GRID2: variants seen among roughly 807,000 people sequenced by gnomAD.
The protein encoded by GRID2 is glutamate ionotropic receptor delta type subunit 2.
Under a neutral mutation model 114.8 loss-of-function variants are expected in GRID2, and 33 were observed. The observed-to-expected ratio is 0.29, with a 90% confidence interval of 0.22 to 0.38. The LOEUF (loss-of-function observed/expected upper bound fraction) is 0.38. Among genes scored for constraint, GRID2 ranks in the 10% least tolerant of loss-of-function variants. The probability of loss-of-function intolerance (pLI) is 1.00; values close to 1 mark genes in which losing one functional copy is unlikely to be tolerated. For synonymous variants in GRID2, 505 were observed against 449.9 expected, an observed-to-expected ratio of 1.12 and a Z score of -1.55; for missense variants, 1,184 against 1,257.7, an observed-to-expected ratio of 0.94 and a Z score of 0.89.
At chr4:93,363,444 A>T (rs996196680) in intron 8 of GRID2, among the ~76,000 whole-genome samples, 5 of 152,148 alleles carry the variant, frequency 3.3e-5, no homozygotes, top group Non-Finnish European at 7.4e-5. Context: ...AGAAGGAATT[A>T]ATGCTCTTTC....
intron 2 of GRID2, among the ~76,000 whole-genome samples, chr4:92,617,753 G>T (rs1231397797): frequency 1.3e-5 from 2 of 151,644 alleles, no homozygotes; most frequent in Non-Finnish European, 3.0e-5. Context: ...TTTCCCTGAT[G>T]ATTAGTGATA....
At chr4:92,948,797 C>G (rs1027942818) in intron 2 of GRID2, among the ~76,000 whole-genome samples, 1 of 151,968 alleles carries the variant, frequency 6.6e-6, no homozygotes, top group African/African-American at 2.4e-5. Context: ...TCTGAGAACA[C>G]AGAGATATCA....
At chr4:93,553,493 T>C (rs549650605) in intron 13 of GRID2, among the ~76,000 whole-genome samples, 1 of 152,330 alleles carries the variant, frequency 6.6e-6, no homozygotes, top group Admixed American at 6.5e-5. Context: ...CTCAGCTGTG[T>C]GTATTCTGAT....
At chr4:93,250,842 G>A (rs1338578654) in intron 8 of GRID2, among the ~76,000 whole-genome samples, 1 of 151,044 alleles carries the variant, frequency 6.6e-6, no homozygotes, top group African/African-American at 2.4e-5. Context: ...GAAACATTCT[G>A]TTTGAAAACT....
intron 4 of GRID2, among the ~76,000 whole-genome samples, chr4:93,204,912 T>C (rs1384249571): frequency 1.3e-5 from 2 of 152,186 alleles, no homozygotes; most frequent in African/African-American, 4.8e-5. Flanking sequence ...TACTATTGCT[T>C]CAGAAGTATT....
chr4:92,959,475 C>T (rs1273511444), intron 2 of GRID2, among the ~76,000 whole-genome samples: 1 of 151,342 alleles, frequency 6.6e-6, no homozygotes, highest in African/African-American at 2.4e-5. Context: ...GTTTGTAATG[C>T]CCCGTAACCT....
chr4:92,543,768 G>A (rs2149165376), intron 1 of GRID2, among the ~76,000 whole-genome samples: 1 of 152,100 alleles, frequency 6.6e-6, no homozygotes, highest in African/African-American at 2.4e-5. Flanking sequence ...GATGGAATAG[G>A]AAAAAATGAC....
intron 1 of GRID2, among the ~76,000 whole-genome samples, chr4:92,464,581 T>TA (rs35164263): frequency 6.6e-6 from 1 of 151,928 alleles, no homozygotes; most frequent in East Asian, 1.9e-4. Context: ...CAAAAATCCT[T>TA]AAAAAAAGGT....
intron 2 of GRID2, among the ~76,000 whole-genome samples, chr4:92,667,149 C>G (rs756150115): frequency 6.6e-6 from 1 of 151,578 alleles, no homozygotes; most frequent in Non-Finnish European, 1.5e-5. Context: ...AAGCCTTCCC[C>G]TAGAAGATAC....
chr4:92,723,127 T>C (rs1735893032), intron 2 of GRID2, among the ~76,000 whole-genome samples: 1 of 152,088 alleles, frequency 6.6e-6, no homozygotes, highest in Non-Finnish European at 1.5e-5. Flanking sequence ...AATATCTTCA[T>C]TTATTAAAAC....
chr4:93,294,766 G>A (rs1754115611), intron 8 of GRID2, among the ~76,000 whole-genome samples: 1 of 151,932 alleles, frequency 6.6e-6, no homozygotes, highest in Non-Finnish European at 1.5e-5. Flanking sequence ...TGCCATGTTG[G>A]CCAGGCTGGT....
chr4:93,429,440 A>G (rs558098762), intron 10 of GRID2, among the ~76,000 whole-genome samples: 1 of 152,340 alleles, frequency 6.6e-6, no homozygotes, highest in Non-Finnish European at 1.5e-5. Context: ...TGGGGTTTAT[A>G]TGAAGAAAAA....
At chr4:92,980,140 A>G (rs1022608033) in intron 2 of GRID2, among the ~76,000 whole-genome samples, 2 of 152,144 alleles carry the variant, frequency 1.3e-5, no homozygotes, top group African/African-American at 4.8e-5. Context: ...ATGTTGCAAT[A>G]ACTTCAAGAA....
intron 1 of GRID2, among the ~76,000 whole-genome samples, chr4:92,433,351 C>T (rs899943081): frequency 1.3e-5 from 2 of 152,170 alleles, no homozygotes; most frequent in South Asian, 2.1e-4. Context: ...CGGCCTAGAC[C>T]GCCTTTCAAG....
intron 1 of GRID2, among the ~76,000 whole-genome samples, chr4:92,323,534 TC>T (rs1726431487): frequency 6.6e-6 from 1 of 152,044 alleles, no homozygotes. Context: ...ATTGGTCTCT[TC>T]CCCTCATTCT....
intron 13 of GRID2, among the ~76,000 whole-genome samples, chr4:93,537,761 T>C (rs1378976729): frequency 6.6e-6 from 1 of 151,816 alleles, no homozygotes; most frequent in Non-Finnish European, 1.5e-5. Flanking sequence ...TTAACCTCTA[T>C]TGACTAAGCA....
At chr4:93,344,691 A>G (rs1579754376) in intron 8 of GRID2, among the ~76,000 whole-genome samples, 1 of 149,724 alleles carries the variant, frequency 6.7e-6, no homozygotes, top group African/African-American at 2.4e-5. Flanking sequence ...TATTAACTAT[A>G]GTCATATTAT....
intron 13 of GRID2, among the ~76,000 whole-genome samples, chr4:93,518,011 A>G (rs62319533): frequency 2.9e-4 from 13 of 45,490 alleles, no homozygotes; most frequent in African/African-American, 7.9e-4. Context: ...ATATGTATGT[A>G]TATACATACA....
intron 2 of GRID2, among the ~76,000 whole-genome samples, chr4:92,679,946 T>C (rs1381692045): frequency 6.6e-6 from 1 of 150,932 alleles, no homozygotes; most frequent in Non-Finnish European, 1.5e-5. Flanking sequence ...AAGAAGCAGA[T>C]GTATGTTGCA....
Sources: allele counts gnomAD v4.1 joint callset (sites outside exome capture counted in the v4.1 genomes callset), GRCh38; gene constraint gnomAD v4.1.1; transcripts MANE v1.5; gene names NCBI Gene and HGNC (gene_info 2026-07-23, HGNC 2026-07-21).